The following CLIP2 variants were observed in gnomAD, a reference collection of about 807,000 sequenced individuals.
The protein encoded by CLIP2 is CAP-Gly domain-containing linker protein 2.
In CLIP2, 41 loss-of-function variants were observed where a neutral mutation model predicts 111.7. That is an observed-to-expected ratio of 0.37 (90% CI 0.29 to 0.48). CLIP2 has a LOEUF of 0.48. CLIP2 is among the 20% of genes least tolerant of loss of function. CLIP2 has a pLI of 0.99. For missense variants in CLIP2, 1,160 were observed against 1,422.1 expected (o/e 0.82, Z 2.96); for synonymous variants, 660 against 644.2 (o/e 1.02, Z -0.37).
At chr7:74,377,617 T>C (rs939763757) in intron 10 of CLIP2, among the ~76,000 whole-genome samples, 2 of 152,188 alleles carry the variant, frequency 1.3e-5, no homozygotes, top group Non-Finnish European at 2.9e-5. Flanking sequence ...CTTAGATTGA[T>C]ACTGGCTCCA....
chr7:74,322,397 G>A (rs1554730146), intron 2 of CLIP2, among the ~76,000 whole-genome samples: 2 of 151,716 alleles, frequency 1.3e-5, no homozygotes, highest in Non-Finnish European at 2.9e-5. Context: ...CCTGAGGTCA[G>A]GAGTTCGAGA....
chr7:74,393,502 A>G (rs969042880), intron 13 of CLIP2, among the ~76,000 whole-genome samples: 26 of 151,250 alleles, frequency 1.7e-4, no homozygotes, highest in African/African-American at 6.1e-4. Context: ...ATGCCCGGCT[A>G]ATTTTGTATT....
At chr7:74,383,367 TG>T (rs1236595853) in intron 11 of CLIP2, among the ~76,000 whole-genome samples, 1 of 152,212 alleles carries the variant, frequency 6.6e-6, no homozygotes, top group African/African-American at 2.4e-5. Flanking sequence ...ACTCTATTTC[TG>T]GACTTTTGTT....
rs547249580 is a variant in CLIP2 at position 74,360,233 on chromosome 7, G to A, written c.1274G>A (p.Arg425Gln). ...GCCCGGCTGCTCGTGGAGAGCGTGC[G>A]GAAAGAGAAGGTGGACCTGTCCAAC... ...QRARLLVESVRKEKVDLSNQL... is the reference protein window; with the variant it reads ...QRARLLVESVQKEKVDLSNQL... The change falls in exon 7 of 17, where the codon CGG (arginine) becomes CAG (glutamine). Residue 425 changes from arginine to glutamine, a missense_variant. Transcript: ENST00000223398. 42 of 1,606,990 alleles carry A rather than the reference G, an allele frequency of 2.6e-5. No homozygotes were observed. Among genetic ancestry groups the A allele is most frequent in the East Asian group, 6.7e-5 (3 of 44,698 alleles).
Position 74,372,927 on chromosome 7 carries a change from A to T in CLIP2, c.1381-5A>T. 9.6e-7 allele frequency: 1 copy of T among 1,039,442 alleles called. No homozygotes were observed. Among genetic ancestry groups the T allele is most frequent in the Non-Finnish European group, 1.3e-6 (1 of 780,742 alleles). 64.4% of individuals were successfully genotyped at this position (1,039,442 alleles called of 1,614,324 possible). A position where few individuals can be genotyped will look rare whatever the true frequency, so the allele number is the denominator to read the frequency against. On this transcript the variant is annotated splice_polypyrimidine_tract_variant and splice_region_variant and intron_variant, in intron 8 of 16. Coordinates refer to ENST00000223398, the MANE Select transcript of CLIP2 (RefSeq NM_003388.5). ...CCCCCACCGTGTCCACCCTGGGTGG[A>T]CCAGACCCAGACGCAGCTGGAGCAC...
At position 74,345,244 on chromosome 7, in the gene CLIP2, A is replaced by AT. The variant is rs1266260722; in HGVS notation, c.678+6249dup. Among the ~76,000 whole-genome samples the AT allele has an allele frequency of 4.0e-4, 60 of 151,360 alleles. 1 individual carries two copies. The South Asian group carries it at 9.9e-3, about 25-fold the overall frequency. ...GAGAAATTAACATTTTATTTCTTTA[A>AT]TTTTTTTTTAGACAGAGTCTTGCTC... On this transcript the variant is annotated intron_variant, in intron 3 of 16. Coordinates refer to ENST00000223398, the MANE Select transcript of CLIP2 (RefSeq NM_003388.5).
chr7:74,325,454 T>C (rs1203154734), intron 2 of CLIP2, among the ~76,000 whole-genome samples: 1 of 151,984 alleles, frequency 6.6e-6, no homozygotes, highest in Non-Finnish European at 1.5e-5. Context: ...GTGGTGACAT[T>C]GGAGCAAGGA....
chr7:74,292,705 AATTC>A (rs1211994163), intron 1 of CLIP2, among the ~76,000 whole-genome samples: 2 of 152,070 alleles, frequency 1.3e-5, no homozygotes, highest in African/African-American at 4.8e-5. Context: ...GAGCTCTTTA[AATTC>A]ATTCCTTCAT....
chr7:74,386,079 G>C (rs565872745), intron 11 of CLIP2, among the ~76,000 whole-genome samples: 1 of 124,772 alleles, frequency 8.0e-6, no homozygotes, highest in African/African-American at 3.1e-5. Context: ...ACCGAGTCTC[G>C]CTGTGTCGCC....
At chr7:74,336,556 A>G (rs1297355924) in intron 2 of CLIP2, among the ~76,000 whole-genome samples, 2 of 152,100 alleles carry the variant, frequency 1.3e-5, no homozygotes, top group African/African-American at 4.8e-5. Flanking sequence ...CTTATTCACT[A>G]CCACCACAAC....
chr7:74,308,838 T>C (rs1275095158), intron 1 of CLIP2, among the ~76,000 whole-genome samples: 1 of 152,054 alleles, frequency 6.6e-6, no homozygotes, highest in Non-Finnish European at 1.5e-5. Flanking sequence ...ATTACAGGCG[T>C]GAGCCACCAT....
intron 1 of CLIP2, among the ~76,000 whole-genome samples, chr7:74,292,575 G>A (rs1421148796): frequency 2.0e-5 from 3 of 151,628 alleles, no homozygotes; most frequent in African/African-American, 7.3e-5. Flanking sequence ...TTTAGTAGAG[G>A]CAGGGTTTCA....
At chr7:74,387,131 C>CGCCAGCCTCTGTCCCCAGA (rs1554314943) in intron 12 of CLIP2, among the ~76,000 whole-genome samples, 2 of 152,104 alleles carry the variant, frequency 1.3e-5, no homozygotes, top group Non-Finnish European at 2.9e-5. Flanking sequence ...AATGCCTCCC[C>CGCCAGCCTCTGTCCCCAGA]GCCAGCTTCT....
At chr7:74,377,613 T>C (rs1421365785) in intron 10 of CLIP2, among the ~76,000 whole-genome samples, 1 of 152,144 alleles carries the variant, frequency 6.6e-6, no homozygotes. Context: ...CATCCTTAGA[T>C]TGATACTGGC....
intron 2 of CLIP2, among the ~76,000 whole-genome samples, chr7:74,324,238 C>T (rs565746439): frequency 1.1e-4 from 17 of 151,900 alleles, no homozygotes; most frequent in African/African-American, 3.1e-4. Context: ...GTGATCCTCC[C>T]GCCTCGGCCT....
intron 2 of CLIP2, 121 bp downstream of exon 2, chr7:74,317,788 C>T: frequency 8.3e-7 from 1 of 1,210,972 alleles, no homozygotes; most frequent in Non-Finnish European, 1.1e-6. Flanking sequence ...CGCTGAGTGT[C>T]ATGAGCTCCT....
chr7:74,331,872 C>T (rs1191428230), intron 2 of CLIP2, among the ~76,000 whole-genome samples: 2 of 151,926 alleles, frequency 1.3e-5, no homozygotes, highest in African/African-American at 2.4e-5. Flanking sequence ...CACGCCCAGC[C>T]GGGATCAGTT....
chr7:74,296,788 CAAAA>C (rs3044389), intron 1 of CLIP2, among the ~76,000 whole-genome samples: 3 of 120,156 alleles, frequency 2.5e-5, no homozygotes, highest in African/African-American at 3.5e-5. Flanking sequence ...GATTTTGTCT[CAAAA>C]AAAAAAAAAA....
intron 12 of CLIP2, 52 bp downstream of exon 12, chr7:74,386,656 C>G: frequency 7.0e-7 from 1 of 1,425,810 alleles, no homozygotes; most frequent in South Asian, 1.3e-5. Context: ...TGGGGCCGTG[C>G]CATTCAGCTG....
Sources: gnomAD v4.1 joint callset for allele counts (sites outside exome capture counted in the v4.1 genomes callset) on GRCh38, gnomAD v4.1.1 for gene constraint, MANE v1.5 for transcripts, NCBI Gene and HGNC (gene_info 2026-07-23, HGNC 2026-07-21) for gene names.